The following ALK variants were observed in gnomAD, a reference collection of about 807,000 sequenced individuals.
The protein encoded by ALK is ALK tyrosine kinase receptor.
A neutral mutation model predicts 163.1 loss-of-function variants in ALK; 74 were observed. That is an observed-to-expected ratio of 0.45 (90% CI 0.38 to 0.55). The LOEUF is 0.55. Among genes scored for constraint, ALK ranks in the 20% least tolerant of loss-of-function variants. The pLI, the probability that ALK is intolerant of heterozygous loss-of-function variation, is 0.00. For missense variants in ALK, 2,063 were observed against 2,105.3 expected, an observed-to-expected ratio of 0.98 and a Z score of 0.39; for synonymous variants, 960 against 843.2, an observed-to-expected ratio of 1.14 and a Z score of -2.40.
Position 29,451,395 on chromosome 2 carries a change from C to G in ALK, c.1155-67536G>C, listed in dbSNP as rs573677689. 3.3e-5 allele frequency among the ~76,000 whole-genome samples: 5 copies of G among 152,284 alleles called. No individual in the cohort carries two copies. The East Asian group carries it at 9.7e-4, about 29-fold the overall frequency. On this transcript the variant is annotated intron_variant, in intron 4 of 28. Transcript: ENST00000389048. Reference sequence around the variant, plus strand: ...CTGCCTCTGGGATAAAGATAAAACTCTTTAGCTTGGCTCCAAGGCCCTTCA... The same window carrying G: ...CTGCCTCTGGGATAAAGATAAAACTGTTTAGCTTGGCTCCAAGGCCCTTCA...
At chr2:29,799,304 T>A (rs1664402369) in intron 1 of ALK, among the ~76,000 whole-genome samples, 1 of 152,172 alleles carries the variant, frequency 6.6e-6, no homozygotes, top group Non-Finnish European at 1.5e-5. Context: ...GATGCTGAAG[T>A]GGTTCAGAAT....
At chr2:29,636,870 G>A (rs563075451) in intron 3 of ALK, among the ~76,000 whole-genome samples, 34 of 152,222 alleles carry the variant, frequency 2.2e-4, no homozygotes, top group Non-Finnish European at 3.8e-4. Flanking sequence ...TTAGGAAAAC[G>A]CAAATTACAA....
chr2:29,197,280 G>A (rs1018055326), intron 27 of ALK, among the ~76,000 whole-genome samples: 2 of 152,154 alleles, frequency 1.3e-5, no homozygotes, highest in Admixed American at 6.5e-5. Flanking sequence ...TTCCCAGCAG[G>A]AGCTTGGGGA....
intron 5 of ALK, among the ~76,000 whole-genome samples, chr2:29,364,738 T>G (rs1170470834): frequency 6.6e-6 from 1 of 152,176 alleles, no homozygotes; most frequent in Non-Finnish European, 1.5e-5. Context: ...GGAGCAATCC[T>G]TACATTTCAT....
intron 3 of ALK, among the ~76,000 whole-genome samples, chr2:29,667,782 A>C (rs1677560581): frequency 6.6e-6 from 1 of 152,046 alleles, no homozygotes. Context: ...TTTTGCTATC[A>C]GGGTAATGCT....
chr2:29,525,924 AC>A (rs1267719904), intron 4 of ALK, among the ~76,000 whole-genome samples: 2 of 152,216 alleles, frequency 1.3e-5, no homozygotes, highest in African/African-American at 4.8e-5. Flanking sequence ...TCTTAAGAGG[AC>A]TAGCATTTTA....
At chr2:29,314,525 A>G (rs112689178) in intron 8 of ALK, among the ~76,000 whole-genome samples, 6 of 152,054 alleles carry the variant, frequency 3.9e-5, no homozygotes, top group African/African-American at 1.5e-4. Context: ...ATGTGTGAGA[A>G]GAGGGGAGAC....
At position 29,275,205 on chromosome 2, in the gene ALK, C is replaced by T. The variant is rs749075308; in HGVS notation, c.1935G>A (p.Leu645=). ...YLTISGEDKI[L]QNTAPKSRNL... ...TTCTTGATTTGGGTGCTGTATTCTG[C>T]AGGATCTTGTCCTCTCCGCTAACTG... is the stretch of plus-strand genomic sequence containing the variant. Residue 645 remains leucine (L), a synonymous_variant, in exon 11 of 29, where the codon CTG becomes CTA. Transcript: ENST00000389048. 3 of 1,614,150 alleles carry T rather than the reference C, an allele frequency of 1.9e-6. No homozygotes were observed. Among genetic ancestry groups the T allele is most frequent in the South Asian group, 2.2e-5 (2 of 91,080 alleles).
chr2:29,276,814 G>A (rs1665559428), intron 9 of ALK, among the ~76,000 whole-genome samples: 1 of 152,172 alleles, frequency 6.6e-6, no homozygotes, highest in African/African-American at 2.4e-5. Flanking sequence ...CAGATTAGTG[G>A]TTGTCTGGGG....
chr2:29,413,286 A>G (rs1266842657), intron 4 of ALK, among the ~76,000 whole-genome samples: 2 of 152,182 alleles, frequency 1.3e-5, no homozygotes, highest in Non-Finnish European at 2.9e-5. Flanking sequence ...TCTTTTCTTT[A>G]TAAGTAGAAA....
Position 29,601,522 on chromosome 2 carries a change from C to T in ALK, c.953-69406G>A, listed in dbSNP as rs183132254. On this transcript the variant is annotated intron_variant, in intron 3 of 28. Transcript: ENST00000389048. Reference sequence around the variant, plus strand: ...GTGCACACTGTGGCCTGGATACTAACGGCTCCATTAATCTTGGTGGAAGCA... The same window carrying T: ...GTGCACACTGTGGCCTGGATACTAATGGCTCCATTAATCTTGGTGGAAGCA... 3.0e-4 allele frequency among the ~76,000 whole-genome samples: 45 copies of T among 152,134 alleles called. No individual in the cohort carries two copies. The East Asian group carries it at 3.9e-3, about 13-fold the overall frequency.
intron 2 of ALK, among the ~76,000 whole-genome samples, chr2:29,706,332 G>A (rs1292361057): frequency 3.3e-5 from 5 of 152,250 alleles, no homozygotes; most frequent in African/African-American, 1.2e-4. Context: ...TTATCTCCTT[G>A]GCTCACCAGT....
chr2:29,594,849 A>G (rs1675162433), intron 3 of ALK, among the ~76,000 whole-genome samples: 2 of 132,878 alleles, frequency 1.5e-5, no homozygotes, highest in Admixed American at 1.6e-4. Flanking sequence ...CACTTCTTTC[A>G]AAAGAATGCA....
intron 3 of ALK, among the ~76,000 whole-genome samples, chr2:29,640,947 A>T (rs968660051): frequency 6.6e-6 from 1 of 152,086 alleles, no homozygotes; most frequent in African/African-American, 2.4e-5. Flanking sequence ...AAGAGCATGT[A>T]CAAATCCCCT....
At chr2:29,386,729 T>C (rs1669040594) in intron 4 of ALK, among the ~76,000 whole-genome samples, 1 of 152,258 alleles carries the variant, frequency 6.6e-6, no homozygotes, top group African/African-American at 2.4e-5. Context: ...TGAAATTCTC[T>C]GGCCTCCCAT....
intron 1 of ALK, among the ~76,000 whole-genome samples, chr2:29,801,736 G>T (rs1232771726): frequency 6.6e-6 from 1 of 152,088 alleles, no homozygotes; most frequent in Non-Finnish European, 1.5e-5. Context: ...AAGTTAAAAG[G>T]GCTCCTAGAA....
intron 4 of ALK, among the ~76,000 whole-genome samples, chr2:29,384,605 T>C (rs1161290750): frequency 6.6e-6 from 1 of 152,130 alleles, no homozygotes; most frequent in African/African-American, 2.4e-5. Flanking sequence ...TGTCACTGAT[T>C]GGACCATCGA....
intron 4 of ALK, among the ~76,000 whole-genome samples, chr2:29,409,521 C>T (rs1669677279): frequency 1.3e-5 from 2 of 152,156 alleles, no homozygotes; most frequent in Admixed American, 1.3e-4. Context: ...CAGCCCATCC[C>T]TCTATCCATT....
At chr2:29,654,111 T>C (rs1487368144) in intron 3 of ALK, among the ~76,000 whole-genome samples, 1 of 152,176 alleles carries the variant, frequency 6.6e-6, no homozygotes, top group Non-Finnish European at 1.5e-5. Context: ...AGTGAATTTA[T>C]ACACATTATG....
Sources: gnomAD v4.1 joint callset for allele counts (sites outside exome capture counted in the v4.1 genomes callset) on GRCh38, gnomAD v4.1.1 for gene constraint, MANE v1.5 for transcripts, NCBI Gene and HGNC (gene_info 2026-07-23, HGNC 2026-07-21) for gene names.